Variants in SH3BGRL2 observed in about 807,000 individuals in gnomAD.
The protein encoded by SH3BGRL2 is SH3 domain binding glutamate rich protein like 2.
Under a neutral mutation model 14.8 loss-of-function variants are expected in SH3BGRL2, and 21 were observed. That is an observed-to-expected ratio of 1.42 (90% CI 1.01 to 2.05). The LOEUF (loss-of-function observed/expected upper bound fraction) is 2.05. Ranked by LOEUF, SH3BGRL2 falls within the 30% of genes most tolerant of loss-of-function variation. The pLI is 0.00. For synonymous variants in SH3BGRL2, 50 were observed against 47.8 expected (o/e 1.05, Z -0.19); for missense variants, 147 against 130.8 (o/e 1.12, Z -0.61).
the SH3BGRL2 span, among the ~76,000 whole-genome samples, chr6:79,605,579 C>A: frequency 1.3e-5 from 2 of 152,156 alleles, no homozygotes; most frequent in Non-Finnish European, 1.5e-5. Context: ...ATTTTTAAAT[C>A]TGGAGAATGA....
At chr6:79,567,555 C>G in the SH3BGRL2 span, among the ~76,000 whole-genome samples, 1 of 152,228 alleles carries the variant, frequency 6.6e-6, no homozygotes, top group East Asian at 1.9e-4. Context: ...AAGAAACGGA[C>G]AATTTAATAA....
At chr6:79,584,057 T>C in the SH3BGRL2 span, among the ~76,000 whole-genome samples, 4 of 152,192 alleles carry the variant, frequency 2.6e-5, no homozygotes, top group African/African-American at 9.6e-5. Flanking sequence ...AATTTGTAGG[T>C]CTAGTGAATG....
chr6:79,653,244 G>A (rs1254759953), intron 1 of SH3BGRL2, among the ~76,000 whole-genome samples: 3 of 152,094 alleles, frequency 2.0e-5, no homozygotes, highest in South Asian at 2.1e-4. Flanking sequence ...ATCGATCCAC[G>A]TTACTAATAA....
At chr6:79,581,762 A>G in the SH3BGRL2 span, among the ~76,000 whole-genome samples, 201 of 152,014 alleles carry the variant, frequency 1.3e-3, 6 homozygotes, top group Admixed American at 0.013. Context: ...CCACTTCAAC[A>G]TAGTGTTGGA....
At chr6:79,613,663 T>G in the SH3BGRL2 span, among the ~76,000 whole-genome samples, 1 of 152,088 alleles carries the variant, frequency 6.6e-6, no homozygotes, top group African/African-American at 2.4e-5. Flanking sequence ...AAGGCTGGAG[T>G]GCAGTGCATT....
the SH3BGRL2 span, among the ~76,000 whole-genome samples, chr6:79,540,021 A>G: frequency 6.6e-6 from 1 of 152,196 alleles, no homozygotes; most frequent in South Asian, 2.1e-4. Context: ...GAAATTTTAA[A>G]TTTATTAATA....
the SH3BGRL2 span, among the ~76,000 whole-genome samples, chr6:79,568,202 A>G: frequency 1.3e-5 from 2 of 152,154 alleles, no homozygotes; most frequent in Non-Finnish European, 2.9e-5. Flanking sequence ...ACACCCAGCA[A>G]TTCCACATGT....
chr6:79,581,764 AG>A, the SH3BGRL2 span, among the ~76,000 whole-genome samples: 1 of 152,202 alleles, frequency 6.6e-6, no homozygotes, highest in Non-Finnish European at 1.5e-5. Flanking sequence ...ACTTCAACAT[AG>A]TGTTGGAAGT....
chr6:79,612,245 G>A, the SH3BGRL2 span, among the ~76,000 whole-genome samples: 1 of 152,090 alleles, frequency 6.6e-6, no homozygotes, highest in Admixed American at 6.5e-5. Context: ...AGGTTGCAGT[G>A]AGCCCACATA....
At chr6:79,586,340 C>A in the SH3BGRL2 span, among the ~76,000 whole-genome samples, 2 of 141,546 alleles carry the variant, frequency 1.4e-5, no homozygotes, top group African/African-American at 5.3e-5. Context: ...ACCAGGGAAG[C>A]CAAAAGCAGA....
chr6:79,657,086 A>T (rs761427090), intron 1 of SH3BGRL2, among the ~76,000 whole-genome samples: 1 of 152,208 alleles, frequency 6.6e-6, no homozygotes, highest in Admixed American at 6.5e-5. Context: ...GCGCAGCAAG[A>T]TTAGATTCCA....
chr6:79,676,601 A>ATGTG (rs1470702025), intron 2 of SH3BGRL2, among the ~76,000 whole-genome samples: 70 of 114,486 alleles, frequency 6.1e-4, no homozygotes, highest in South Asian at 3.5e-4. Context: ...TTATGTCTTT[A>ATGTG]TGTATGTGTG....
At chr6:79,653,457 A>G (rs10943656) in intron 1 of SH3BGRL2, among the ~76,000 whole-genome samples, 81,106 of 152,098 alleles carry the variant, frequency 0.53, 23,096 homozygotes, top group Non-Finnish European at 0.65. Flanking sequence ...AGAACTTATC[A>G]TCAAATTATG....
the SH3BGRL2 span, among the ~76,000 whole-genome samples, chr6:79,581,885 C>T: frequency 6.6e-6 from 1 of 152,070 alleles, no homozygotes; most frequent in African/African-American, 2.4e-5. Context: ...TTTAGAAAAC[C>T]CCATCGTCTC....
At chr6:79,602,336 C>T in the SH3BGRL2 span, among the ~76,000 whole-genome samples, 2 of 152,024 alleles carry the variant, frequency 1.3e-5, no homozygotes, top group South Asian at 2.1e-4. Context: ...TAACCAGGGT[C>T]CAGGAAGACC....
chr6:79,668,113 G>T (rs1368504585), intron 1 of SH3BGRL2, among the ~76,000 whole-genome samples: 1 of 152,124 alleles, frequency 6.6e-6, no homozygotes, highest in African/African-American at 2.4e-5. Context: ...TTCAAACATG[G>T]CTAGACGTGT....
At chr6:79,666,706 G>A (rs1047492860) in intron 1 of SH3BGRL2, among the ~76,000 whole-genome samples, 6 of 152,016 alleles carry the variant, frequency 3.9e-5, no homozygotes, top group East Asian at 1.9e-4. Flanking sequence ...TGTAAGTTTC[G>A]TCAAGCTGTT....
chr6:79,568,252 CA>C, the SH3BGRL2 span, among the ~76,000 whole-genome samples: 19 of 152,118 alleles, frequency 1.2e-4, no homozygotes, highest in Admixed American at 2.6e-4. Context: ...CACATATGTG[CA>C]AAAGGACACA....
At chr6:79,657,241 G>A (rs1231100041) in intron 1 of SH3BGRL2, among the ~76,000 whole-genome samples, 1 of 150,638 alleles carries the variant, frequency 6.6e-6, no homozygotes, top group Non-Finnish European at 1.5e-5. Context: ...GAACACTCTT[G>A]TCTGCTTTTA....
Sources: gnomAD v4.1 joint callset for allele counts (sites outside exome capture counted in the v4.1 genomes callset) on GRCh38, gnomAD v4.1.1 for gene constraint, MANE v1.5 for transcripts, NCBI Gene and HGNC (gene_info 2026-07-23, HGNC 2026-07-21) for gene names.